The following BTRC variants were observed in gnomAD, a reference collection of about 807,000 sequenced individuals.
BTRC encodes F-box/WD repeat-containing protein 1A.
A neutral mutation model predicts 85.5 loss-of-function variants in BTRC; 42 were observed. The observed-to-expected ratio is 0.49, with a 90% CI of 0.38 to 0.64. The LOEUF is 0.64. Among genes scored for constraint, BTRC ranks in the 30% least tolerant of loss-of-function variants. The pLI is 0.00. For synonymous variants in BTRC, 255 were observed against 263.3 expected (o/e 0.97, Z 0.30); for missense variants, 594 against 743.5 (o/e 0.80, Z 2.34).
chr10:101,478,268 T>A (rs1222967157), intron 3 of BTRC, among the ~76,000 whole-genome samples: 1 of 150,626 alleles, frequency 6.6e-6, no homozygotes, highest in Non-Finnish European at 1.5e-5. Flanking sequence ...GCCACTGCAC[T>A]CCAGCCTGGG....
intron 1 of BTRC, among the ~76,000 whole-genome samples, chr10:101,371,874 T>C (rs1485710521): frequency 4.6e-5 from 7 of 152,228 alleles, no homozygotes; most frequent in Middle Eastern, 3.4e-3. Flanking sequence ...AATGTGCCTA[T>C]GTAACAAGGT....
At chr10:101,460,285 T>C (rs182420756) in intron 2 of BTRC, among the ~76,000 whole-genome samples, 9 of 152,338 alleles carry the variant, frequency 5.9e-5, no homozygotes, top group African/African-American at 2.2e-4. Context: ...ATGTTGACCT[T>C]TCCCTTTCTT....
Position 101,555,793 on chromosome 10 carries a change from T to C in BTRC, c.*2670T>C, listed in dbSNP as rs1432820478. The C allele has an allele frequency of 1.3e-5, 2 of 152,290 alleles. No individual in the cohort carries two copies. Among genetic ancestry groups the C allele is most frequent in the Admixed American group, 1.3e-4 (2 of 15,282 alleles). The allele number at this position is 152,290 out of a possible 1,614,324, so 9.4% of individuals were successfully genotyped here. A position where few individuals can be genotyped will look rare whatever the true frequency, so the allele number is the denominator to read the frequency against. On this transcript the variant is annotated 3_prime_UTR_variant, in exon 15 of 15. Coordinates refer to ENST00000370187, the MANE Select transcript of BTRC (RefSeq NM_033637.4). ...TGAAGGTGTCCCCATTGTAGATTAG[T>C]CTCTTCTCACTAAAATTTACTTTCC...
chr10:101,450,239 C>T (rs1944925765), intron 2 of BTRC, among the ~76,000 whole-genome samples: 1 of 152,078 alleles, frequency 6.6e-6, no homozygotes, highest in South Asian at 2.1e-4. Flanking sequence ...TGTGTAATAT[C>T]GCTCCTATTC....
chr10:101,416,638 A>G (rs1943954084), intron 1 of BTRC, among the ~76,000 whole-genome samples: 1 of 152,114 alleles, frequency 6.6e-6, no homozygotes, highest in Non-Finnish European at 1.5e-5. Flanking sequence ...CCACAGCATC[A>G]TGAGACTGCT....
intron 1 of BTRC, among the ~76,000 whole-genome samples, chr10:101,355,068 T>C (rs1941994904): frequency 6.6e-6 from 1 of 151,980 alleles, no homozygotes; most frequent in African/African-American, 2.4e-5. Flanking sequence ...GTACAGGAGA[T>C]TGGGGCAAAA....
At position 101,441,640 on chromosome 10, in the gene BTRC, G is replaced by A. The variant is rs192801989; in HGVS notation, c.156+11188G>A. Among the ~76,000 whole-genome samples the A allele has an allele frequency of 1.6e-4, 24 of 152,272 alleles. No individual in the cohort carries two copies. In the East Asian group the frequency reaches 4.6e-3, roughly 29 times the overall value. On this transcript the variant is annotated intron_variant, in intron 2 of 14. Transcript: ENST00000370187. The stretch of plus-strand genomic sequence containing the variant: ...CATGCCTATAATCCCAGCACTGTGG[G>A]AGGCTGAGGCGGGCGGATTGCCTGA...
intron 1 of BTRC, among the ~76,000 whole-genome samples, chr10:101,399,102 G>A (rs1463483564): frequency 2.6e-5 from 4 of 152,014 alleles, no homozygotes; most frequent in East Asian, 1.9e-4. Flanking sequence ...ACAGGCATGC[G>A]CCACCATCCC....
intron 1 of BTRC, among the ~76,000 whole-genome samples, chr10:101,363,509 A>G (rs1942274853): frequency 6.6e-6 from 1 of 151,972 alleles, no homozygotes; most frequent in Non-Finnish European, 1.5e-5. Context: ...CCCAGGCTGG[A>G]GTGCAGTAGC....
In BTRC at chr10:101,445,714, A is replaced by G. The variant is rs564638381; in HGVS notation, c.156+15262A>G. ...GTGTATAATCGCTTTGGTTTAATCA[A>G]TAGAATAATTGATAAACCAGATAAG... On this transcript the variant is annotated intron_variant, in intron 2 of 14. Transcript: ENST00000370187. Among the ~76,000 whole-genome samples, 24 of 152,334 alleles carry G rather than the reference A, an allele frequency of 1.6e-4. No homozygotes were observed. The South Asian group carries it at 5.0e-3, about 32-fold the overall frequency.
intron 9 of BTRC, among the ~76,000 whole-genome samples, chr10:101,533,525 C>T (rs539633825): frequency 1.2e-4 from 19 of 152,240 alleles, no homozygotes; most frequent in Admixed American, 7.9e-4. Context: ...TTGCAAGCTT[C>T]ACTCAGGTAG....
intron 3 of BTRC, among the ~76,000 whole-genome samples, chr10:101,468,730 C>A (rs993568330): frequency 1.3e-5 from 2 of 152,138 alleles, no homozygotes; most frequent in African/African-American, 2.4e-5. Context: ...GAACAGATTT[C>A]TAAGCAGCTT....
chr10:101,391,335 G>C (rs1226581434), intron 1 of BTRC, among the ~76,000 whole-genome samples: 1 of 152,104 alleles, frequency 6.6e-6, no homozygotes, highest in Admixed American at 6.6e-5. Flanking sequence ...TATAAAGTTT[G>C]GTCATCTTTG....
intron 2 of BTRC, among the ~76,000 whole-genome samples, chr10:101,445,713 A>T (rs921351257): frequency 1.3e-5 from 2 of 152,190 alleles, no homozygotes; most frequent in South Asian, 2.1e-4. Context: ...TGGTTTAATC[A>T]ATAGAATAAT....
chr10:101,519,340 A>G (rs1266457533), intron 4 of BTRC, among the ~76,000 whole-genome samples: 1 of 152,040 alleles, frequency 6.6e-6, no homozygotes, highest in Non-Finnish European at 1.5e-5. Context: ...TCATCCTCCC[A>G]AAGTGCTGGG....
chr10:101,464,696 T>G (rs1241326449), intron 3 of BTRC, among the ~76,000 whole-genome samples: 1 of 152,180 alleles, frequency 6.6e-6, no homozygotes, highest in Non-Finnish European at 1.5e-5. Flanking sequence ...ATGAACTCAA[T>G]GTTCTTGGAA....
chr10:101,516,752 G>A (rs2062029827), intron 4 of BTRC, among the ~76,000 whole-genome samples: 2 of 152,100 alleles, frequency 1.3e-5, no homozygotes, highest in African/African-American at 2.4e-5. Flanking sequence ...ACTGATCAAA[G>A]CATGACTCCT....
chr10:101,435,301 A>G (rs1189221292), intron 2 of BTRC, among the ~76,000 whole-genome samples: 1 of 152,136 alleles, frequency 6.6e-6, no homozygotes, highest in Non-Finnish European at 1.5e-5. Flanking sequence ...GTAACCTTCA[A>G]TTTCAAGATA....
At chr10:101,442,282 C>T (rs4919547) in intron 2 of BTRC, among the ~76,000 whole-genome samples, 1 of 106,188 alleles carries the variant, frequency 9.4e-6, no homozygotes, top group Admixed American at 9.2e-5. Flanking sequence ...CTCTCTCTCT[C>T]TGTCTCTGTG....
Sources: allele counts gnomAD v4.1 joint callset (sites outside exome capture counted in the v4.1 genomes callset), GRCh38; gene constraint gnomAD v4.1.1; transcripts MANE v1.5; gene names NCBI Gene and HGNC (gene_info 2026-07-23, HGNC 2026-07-21).